SGCZ: variants seen among roughly 807,000 people sequenced by gnomAD.
The protein encoded by SGCZ is zeta-sarcoglycan.
Under a neutral mutation model 41.3 loss-of-function variants are expected in SGCZ, and 40 were observed. That is an observed-to-expected ratio of 0.97 (90% CI 0.75 to 1.26). The LOEUF is 1.26. Among genes scored for constraint, SGCZ ranks in the 50% most tolerant of loss-of-function variants. SGCZ has a pLI of 0.00. For synonymous variants in SGCZ, 206 were observed against 137.5 expected (o/e 1.50, Z -3.49); for missense variants, 552 against 369.8 (o/e 1.49, Z -4.04).
chr8:14,176,888 T>C (rs1004633495), intron 4 of SGCZ, among the ~76,000 whole-genome samples: 1 of 152,220 alleles, frequency 6.6e-6, no homozygotes, highest in Non-Finnish European at 1.5e-5. Flanking sequence ...AAAGCTCTCC[T>C]GTTGCCATCC....
chr8:15,011,707 T>C (rs1399321529), intron 1 of SGCZ, among the ~76,000 whole-genome samples: 2 of 152,206 alleles, frequency 1.3e-5, no homozygotes, highest in East Asian at 3.9e-4. Flanking sequence ...CTGTATGTTC[T>C]GTACTCTGCT....
At chr8:14,885,872 T>C (rs1804769494) in intron 1 of SGCZ, among the ~76,000 whole-genome samples, 1 of 151,050 alleles carries the variant, frequency 6.6e-6, no homozygotes, top group Non-Finnish European at 1.5e-5. Context: ...GGGAAGAACA[T>C]GAAAATACAT....
chr8:15,017,388 C>A (rs1478472543), intron 1 of SGCZ, among the ~76,000 whole-genome samples: 1 of 152,160 alleles, frequency 6.6e-6, no homozygotes, highest in Non-Finnish European at 1.5e-5. Flanking sequence ...CCACAGTGGA[C>A]CTTGGTTGAG....
chr8:14,744,501 C>CT (rs1457458886), intron 1 of SGCZ, among the ~76,000 whole-genome samples: 4 of 152,002 alleles, frequency 2.6e-5, no homozygotes, highest in African/African-American at 9.7e-5. Flanking sequence ...TTCCAACTTC[C>CT]TTTTTTTCTG....
At chr8:14,139,469 A>T (rs1803300884) in intron 5 of SGCZ, among the ~76,000 whole-genome samples, 1 of 151,724 alleles carries the variant, frequency 6.6e-6, no homozygotes, top group African/African-American at 2.4e-5. Context: ...GAAGAAAAGA[A>T]GAATCACATA....
intron 6 of SGCZ, among the ~76,000 whole-genome samples, chr8:14,103,267 T>C (rs1030905555): frequency 8.0e-6 from 1 of 125,778 alleles, no homozygotes; most frequent in Non-Finnish European, 1.8e-5. Flanking sequence ...AATATAACAC[T>C]AGAGAAAAAG....
At chr8:14,293,639 A>G (rs1800916670) in intron 3 of SGCZ, among the ~76,000 whole-genome samples, 3 of 151,898 alleles carry the variant, frequency 2.0e-5, no homozygotes, top group Non-Finnish European at 4.4e-5. Context: ...AAATCTTCAA[A>G]CTAGTTAATG....
chr8:14,679,517 C>T (rs72607331), intron 1 of SGCZ, among the ~76,000 whole-genome samples: 18 of 96,962 alleles, frequency 1.9e-4, no homozygotes, highest in African/African-American at 5.4e-4. Flanking sequence ...TATATATATA[C>T]ACACATATAT....
chr8:14,817,595 T>G (rs1382913594), intron 1 of SGCZ, among the ~76,000 whole-genome samples: 4 of 152,092 alleles, frequency 2.6e-5, no homozygotes, highest in African/African-American at 9.7e-5. Flanking sequence ...TTCACACAGG[T>G]GCCTACAGCA....
At chr8:14,756,675 C>G (rs1799679741) in intron 1 of SGCZ, among the ~76,000 whole-genome samples, 1 of 152,062 alleles carries the variant, frequency 6.6e-6, no homozygotes, top group Non-Finnish European at 1.5e-5. Context: ...AACTTTTGGT[C>G]TGCATATACT....
intron 1 of SGCZ, among the ~76,000 whole-genome samples, chr8:14,603,365 G>A (rs1479785798): frequency 1.3e-5 from 2 of 151,966 alleles, no homozygotes; most frequent in East Asian, 3.9e-4. Flanking sequence ...CACAGCAAAT[G>A]ATTGTTGAAA....
At chr8:15,169,711 T>G (rs1402948558) in intron 1 of SGCZ, among the ~76,000 whole-genome samples, 2 of 152,226 alleles carry the variant, frequency 1.3e-5, no homozygotes, top group Non-Finnish European at 2.9e-5. Flanking sequence ...GCTCATTTCC[T>G]GTATCTTCAC....
At chr8:14,152,515 A>G in intron 5 of SGCZ, among the ~76,000 whole-genome samples, 1 of 152,298 alleles carries the variant, frequency 6.6e-6, no homozygotes, top group South Asian at 2.1e-4. Flanking sequence ...ACAATGAAAT[A>G]TCACTACACA....
At chr8:14,267,826 T>G (rs931318653) in intron 3 of SGCZ, among the ~76,000 whole-genome samples, 1 of 152,046 alleles carries the variant, frequency 6.6e-6, no homozygotes, top group Admixed American at 6.6e-5. Context: ...ATCTATTCAT[T>G]CTGTGTTTAT....
At chr8:14,392,249 T>C (rs1242349846) in intron 2 of SGCZ, among the ~76,000 whole-genome samples, 1 of 152,188 alleles carries the variant, frequency 6.6e-6, no homozygotes, top group Non-Finnish European at 1.5e-5. Context: ...AGAACCAATT[T>C]TCTACTCAAA....
chr8:14,107,234 AT>A (rs1459575320), intron 6 of SGCZ, among the ~76,000 whole-genome samples: 2 of 129,416 alleles, frequency 1.5e-5, no homozygotes, highest in East Asian at 7.9e-4. Flanking sequence ...AAATAAAAAA[AT>A]AAATAAAAAA....
At chr8:14,403,083 C>G (rs974605747) in intron 2 of SGCZ, among the ~76,000 whole-genome samples, 1 of 142,504 alleles carries the variant, frequency 7.0e-6, no homozygotes, top group Non-Finnish European at 1.5e-5. Flanking sequence ...TGATTTGGCT[C>G]TCTGTTTGTC....
At chr8:14,507,178 C>T (rs917308175) in intron 2 of SGCZ, among the ~76,000 whole-genome samples, 3 of 152,154 alleles carry the variant, frequency 2.0e-5, no homozygotes, top group Non-Finnish European at 4.4e-5. Flanking sequence ...CATATCCAAT[C>T]TGCAAATCAA....
rs181043924 is a variant in SGCZ, at chr8:14,255,273, C to A, written c.337-17594G>T. ...TTACCATATAGATAATTTCCTGATACTTTGAACTCTTAGGTTGTTGATCTA... is the reference window on the plus strand; with the variant it reads ...TTACCATATAGATAATTTCCTGATAATTTGAACTCTTAGGTTGTTGATCTA... On this transcript the variant is annotated intron_variant, in intron 3 of 7. Coordinates refer to ENST00000382080, the MANE Select transcript of SGCZ (RefSeq NM_139167.4). Among the ~76,000 whole-genome samples, 13 of 152,262 alleles carry A rather than the reference C, an allele frequency of 8.5e-5. 1 individual carries two copies. The East Asian group carries it at 1.4e-3, about 16-fold the overall frequency.
Sources: allele counts gnomAD v4.1 joint callset (sites outside exome capture counted in the v4.1 genomes callset), GRCh38; gene constraint gnomAD v4.1.1; transcripts MANE v1.5; gene names NCBI Gene and HGNC (gene_info 2026-07-23, HGNC 2026-07-21).